The following TRIM24 variants were observed in gnomAD, a reference collection of about 807,000 sequenced individuals.
The protein encoded by TRIM24 is tripartite motif containing 24.
Under a neutral mutation model 123.9 loss-of-function variants are expected in TRIM24, and 29 were observed. The observed-to-expected ratio is 0.23, with a 90% CI of 0.17 to 0.32. The LOEUF is 0.32. TRIM24 is among the 10% of genes least tolerant of loss of function. The pLI, the probability that TRIM24 is intolerant of heterozygous loss-of-function variation, is 1.00. For synonymous variants in TRIM24, 456 were observed against 461.1 expected, an observed-to-expected ratio of 0.99 and a Z score of 0.14; for missense variants, 932 against 1,295.3, an observed-to-expected ratio of 0.72 and a Z score of 4.31.
intron 17 of TRIM24, 53 bp from the exon 18 acceptor site, chr7:138,583,797 A>G (rs1040249804): frequency 4.8e-6 from 6 of 1,243,334 alleles, no homozygotes; most frequent in Non-Finnish European, 1.1e-6. Flanking sequence ...GAATATATTT[A>G]GGACAAGGTG....
chr7:138,527,466 T>C (rs536771837), intron 5 of TRIM24, among the ~76,000 whole-genome samples: 121 of 152,330 alleles, frequency 7.9e-4, no homozygotes, highest in African/African-American at 2.8e-3. Flanking sequence ...CCCATGGCAC[T>C]GTTTTTCCCT....
intron 9 of TRIM24, among the ~76,000 whole-genome samples, chr7:138,558,260 C>T (rs1367204200): frequency 6.6e-6 from 1 of 152,130 alleles, no homozygotes; most frequent in Non-Finnish European, 1.5e-5. Flanking sequence ...TCCTGCCCCA[C>T]CATAAAGTCT....
chr7:138,571,554 G>A lies in TRIM24; in HGVS notation c.1878+551G>A, dbSNP rs191482809. On this transcript the variant is annotated intron_variant, in intron 11 of 18. Transcript: ENST00000343526. ...AAGGAGAAAAGTAAGGACATGGAAAGATATGCTGGGACGTTGAATGGCTGG... is the reference window on the plus strand; with the variant it reads ...AAGGAGAAAAGTAAGGACATGGAAAAATATGCTGGGACGTTGAATGGCTGG... Among the ~76,000 whole-genome samples the A allele has an allele frequency of 1.4e-3, 206 of 152,278 alleles. 1 individual carries two copies. The highest frequency in any genetic ancestry group is 3.4e-3 in the Middle Eastern group (1 of 294).
chr7:138,570,882 C>G lies in TRIM24; in HGVS notation c.1757C>G (p.Ser586Cys), dbSNP rs1797640525. The G allele has an allele frequency of 1.2e-6, 2 of 1,614,026 alleles. No homozygotes were observed. The highest frequency in any genetic ancestry group is 1.1e-5 in the South Asian group (1 of 91,086). ...CCATCAACTACCAACAGCACATCCTCTACTCCTTCCAGCCCCACGATTACT... is the reference window on the plus strand; with the variant it reads ...CCATCAACTACCAACAGCACATCCTGTACTCCTTCCAGCCCCACGATTACT... ...GTPSTTNSTS[S>C]TPSSPTITSA... Residue 586 changes from serine to cysteine, a missense_variant, in exon 11 of 19, where the codon TCT becomes TGT. Coordinates refer to ENST00000343526, the MANE Select transcript of TRIM24 (RefSeq NM_015905.3).
At chr7:138,507,470 A>G (rs1796174550) in intron 2 of TRIM24, among the ~76,000 whole-genome samples, 1 of 150,868 alleles carries the variant, frequency 6.6e-6, no homozygotes, top group Non-Finnish European at 1.5e-5. Context: ...CTGGGATTAC[A>G]GGTGCCCACC....
intron 2 of TRIM24, among the ~76,000 whole-genome samples, chr7:138,514,097 G>C (rs1227108665): frequency 6.6e-6 from 1 of 152,196 alleles, no homozygotes; most frequent in Non-Finnish European, 1.5e-5. Context: ...AAAGATTGAA[G>C]ATGATAAGAG....
intron 2 of TRIM24, among the ~76,000 whole-genome samples, chr7:138,509,103 C>T (rs58562866): frequency 0.27 from 40,278 of 151,384 alleles, 6,103 homozygotes; most frequent in East Asian, 0.49. Flanking sequence ...CTTGTGCCAC[C>T]ACACCCAGCT....
chr7:138,544,442 A>G (rs529947532), intron 7 of TRIM24, among the ~76,000 whole-genome samples: 5 of 146,838 alleles, frequency 3.4e-5, no homozygotes, highest in East Asian at 1.9e-4. Flanking sequence ...TTGTTTTTCT[A>G]TCTTGGCCAT....
At chr7:138,570,188 C>T (rs1225893971) in intron 10 of TRIM24, among the ~76,000 whole-genome samples, 2 of 152,156 alleles carry the variant, frequency 1.3e-5, no homozygotes, top group African/African-American at 4.8e-5. Context: ...CTCAAGTTAT[C>T]CACCCACCTT....
chr7:138,570,644 G>GTTT (rs199636029), intron 10 of TRIM24, among the ~76,000 whole-genome samples, 186 bp from the exon 11 acceptor site: 6 of 135,802 alleles, frequency 4.4e-5, no homozygotes, highest in African/African-American at 5.5e-5. Context: ...TACTGTTTTG[G>GTTT]TTTTTTTTTT....
At chr7:138,508,708 C>CGTGTGTGCGTGTGT (rs1796214549) in intron 2 of TRIM24, among the ~76,000 whole-genome samples, 3 of 136,194 alleles carry the variant, frequency 2.2e-5, no homozygotes, top group African/African-American at 8.0e-5. Flanking sequence ...CGCGTGTGTG[C>CGTGTGTGCGTGTGT]GTGTGTGTGT....
chr7:138,500,307 C>G (rs1796008054), intron 1 of TRIM24, among the ~76,000 whole-genome samples: 1 of 152,046 alleles, frequency 6.6e-6, no homozygotes, highest in Non-Finnish European at 1.5e-5. Flanking sequence ...TGCTTGTAAT[C>G]CCAGCACTCT....
At chr7:138,567,340 T>C in intron 9 of TRIM24, 141 bp from the exon 10 acceptor site, 4 of 509,968 alleles carry the variant, frequency 7.8e-6, no homozygotes, top group South Asian at 3.5e-5. Context: ...CCCCCACCCC[T>C]CATTCCCTTA....
At position 138,554,705 on chromosome 7, in the gene TRIM24, A is replaced by G; in HGVS notation, c.1269A>G (p.Leu423=). ...CCTTTTCTTTTTAATTAGGTTCTTT[A>G]GTAATCGAGGATAAAGAGAGCCAGC... ...WAQNIINLGS[L]VIEDKESQPQ... The change falls in exon 9 of 19, where the codon TTA becomes TTG. Residue 423 remains leucine (L), a synonymous_variant. Transcript: ENST00000343526. This position sits in a 1 kb window ranked among gnomAD's most constrained non-coding sequence, Gnocchi z 4.5. 5 of 1,613,644 alleles carry G rather than the reference A, an allele frequency of 3.1e-6. No homozygotes were observed. Among genetic ancestry groups the G allele is most frequent in the Non-Finnish European group, 3.4e-6 (4 of 1,179,580 alleles).
At chr7:138,485,572 C>T (rs1795626693) in intron 1 of TRIM24, among the ~76,000 whole-genome samples, 1 of 152,160 alleles carries the variant, frequency 6.6e-6, no homozygotes, top group Admixed American at 6.5e-5. Flanking sequence ...TCTCATTGTT[C>T]AGTTCCCACC....
chr7:138,571,581 C>T (rs933758667), intron 11 of TRIM24, among the ~76,000 whole-genome samples: 2 of 152,108 alleles, frequency 1.3e-5, no homozygotes, highest in Non-Finnish European at 2.9e-5. Context: ...AATGGCTGGA[C>T]ATCAGAAGAG....
intron 1 of TRIM24, among the ~76,000 whole-genome samples, chr7:138,475,561 G>A (rs753625216): frequency 5.3e-5 from 8 of 151,988 alleles, no homozygotes; most frequent in Non-Finnish European, 1.0e-4. Flanking sequence ...TTGCTCTCTC[G>A]CCCTGGCTAT....
chr7:138,482,480 A>C (rs1304574946), intron 1 of TRIM24, among the ~76,000 whole-genome samples: 2 of 152,154 alleles, frequency 1.3e-5, no homozygotes, highest in East Asian at 3.8e-4. Context: ...TTTTCCTTTA[A>C]GTCAGATGGG....
intron 1 of TRIM24, among the ~76,000 whole-genome samples, chr7:138,473,163 C>G (rs781166636): frequency 4.4e-4 from 67 of 152,284 alleles, no homozygotes; most frequent in South Asian, 1.2e-3. Context: ...GCCTGTAGTT[C>G]CAGCTACTCG....
Sources: allele counts gnomAD v4.1 joint callset (sites outside exome capture counted in the v4.1 genomes callset), GRCh38; gene constraint gnomAD v4.1.1; non-coding constraint Gnocchi (gnomAD v3.1); transcripts MANE v1.5; gene names NCBI Gene and HGNC (gene_info 2026-07-23, HGNC 2026-07-21).